Variants in RANBP2 observed in about 807,000 individuals in gnomAD.
RANBP2 encodes the protein E3 SUMO-protein ligase RanBP2.
A neutral mutation model predicts 303.6 loss-of-function variants in RANBP2; 57 were observed. The observed-to-expected ratio is 0.19, with a 90% CI of 0.15 to 0.23. The LOEUF (loss-of-function observed/expected upper bound fraction) is 0.23. Among genes scored for constraint, RANBP2 ranks in the 10% least tolerant of loss-of-function variants. RANBP2 has a pLI of 1.00. For missense variants in RANBP2, 3,138 were observed against 3,780.8 expected (o/e 0.83, Z 4.46); for synonymous variants, 1,167 against 1,301.5 (o/e 0.90, Z 2.23).
the RANBP2 span, among the ~76,000 whole-genome samples, chr2:109,187,005 C>T: frequency 1.3e-5 from 2 of 149,776 alleles, no homozygotes; most frequent in Non-Finnish European, 3.0e-5. Flanking sequence ...CTCCCAGAGG[C>T]GGAGCTGGGC....
At chr2:109,453,788 T>C in the RANBP2 span, among the ~76,000 whole-genome samples, 1 of 152,248 alleles carries the variant, frequency 6.6e-6, no homozygotes, top group South Asian at 2.1e-4. Flanking sequence ...GACCTGCGTG[T>C]GGGAACAGAG....
chr2:109,146,024 T>C, the RANBP2 span, among the ~76,000 whole-genome samples: 30 of 151,926 alleles, frequency 2.0e-4, no homozygotes, highest in African/African-American at 7.3e-4. Flanking sequence ...CTTGTCTATG[T>C]GGGCCGACGG....
the RANBP2 span, among the ~76,000 whole-genome samples, chr2:108,825,854 G>A: frequency 2.6e-5 from 4 of 152,148 alleles, no homozygotes; most frequent in African/African-American, 7.2e-5. Flanking sequence ...GTTTGTCAAA[G>A]TGGTTCAACA....
chr2:109,033,364 G>A, the RANBP2 span, among the ~76,000 whole-genome samples: 2 of 152,152 alleles, frequency 1.3e-5, no homozygotes, highest in Admixed American at 1.3e-4. Context: ...GGCAGGTGGT[G>A]TTGCCGAAAC....
chr2:109,108,140 C>CG, the RANBP2 span, among the ~76,000 whole-genome samples: 1 of 152,160 alleles, frequency 6.6e-6, no homozygotes, highest in Non-Finnish European at 1.5e-5. Context: ...CTCCTGCCCT[C>CG]GGGATCCGCC....
At chr2:109,614,926 C>T in the RANBP2 span, 3 of 1,493,808 alleles carry the variant, frequency 2.0e-6, no homozygotes, top group Non-Finnish European at 8.9e-7. Flanking sequence ...GCGCACTGGC[C>T]GCCCCTGAGC....
At chr2:109,411,853 G>A in the RANBP2 span, among the ~76,000 whole-genome samples, 1 of 152,226 alleles carries the variant, frequency 6.6e-6, no homozygotes, top group Non-Finnish European at 1.5e-5. Context: ...ATAGCTTACT[G>A]TTAAATCCCA....
At chr2:109,291,780 A>G in the RANBP2 span, among the ~76,000 whole-genome samples, 2 of 152,254 alleles carry the variant, frequency 1.3e-5, no homozygotes, top group East Asian at 3.8e-4. Context: ...CTCCAGTTTC[A>G]GGTGACTGTT....
chr2:109,466,416 T>C, the RANBP2 span, among the ~76,000 whole-genome samples: 1 of 152,148 alleles, frequency 6.6e-6, no homozygotes, highest in East Asian at 1.9e-4. Flanking sequence ...GTTTAGATCT[T>C]TGCTGAGTTT....
the RANBP2 span, chr2:108,896,531 CAAACTCCTTAA>C: frequency 4.7e-6 from 1 of 211,426 alleles, no homozygotes; most frequent in African/African-American, 2.3e-5. Flanking sequence ...TACTGGAGTG[CAAACTCCTTAA>C]AGACAGGGAC....
the RANBP2 span, among the ~76,000 whole-genome samples, chr2:108,890,566 CTG>C: frequency 6.6e-6 from 1 of 152,116 alleles, no homozygotes; most frequent in Non-Finnish European, 1.5e-5. Flanking sequence ...TGATAGGTAA[CTG>C]TATGCTTTTC....
chr2:109,539,645 C>T, the RANBP2 span, among the ~76,000 whole-genome samples: 169 of 152,192 alleles, frequency 1.1e-3, 1 homozygote, highest in African/African-American at 3.7e-3. Context: ...GGTTTCATCA[C>T]GCTGGCCAGG....
At chr2:109,099,410 C>G in the RANBP2 span, among the ~76,000 whole-genome samples, 1 of 152,120 alleles carries the variant, frequency 6.6e-6, no homozygotes, top group Non-Finnish European at 1.5e-5. Context: ...GAATGCTGGT[C>G]AGTTGTTGTG....
the RANBP2 span, chr2:108,798,352 A>C: frequency 3.3e-6 from 5 of 1,510,638 alleles, no homozygotes; most frequent in Non-Finnish European, 4.5e-6. Flanking sequence ...GTTAAACCAC[A>C]GTGTCAGCCA....
At chr2:108,867,506 G>A in the RANBP2 span, among the ~76,000 whole-genome samples, 1 of 152,160 alleles carries the variant, frequency 6.6e-6, no homozygotes, top group Non-Finnish European at 1.5e-5. Context: ...CTCCAAGAGT[G>A]TCTTTGTCCT....
intron 7 of RANBP2, among the ~76,000 whole-genome samples, chr2:108,742,121 C>T (rs563598045): frequency 2.0e-5 from 3 of 151,850 alleles, no homozygotes; most frequent in East Asian, 2.0e-4. Flanking sequence ...TTCAGCCTCC[C>T]GAGTAGCTGG....
At chr2:108,973,047 C>T in the RANBP2 span, among the ~76,000 whole-genome samples, 2 of 151,966 alleles carry the variant, frequency 1.3e-5, no homozygotes, top group South Asian at 2.1e-4. Context: ...ACTGCAGTGG[C>T]GCAATTTCAG....
the RANBP2 span, among the ~76,000 whole-genome samples, chr2:109,079,949 T>G: frequency 6.6e-6 from 1 of 152,180 alleles, no homozygotes; most frequent in African/African-American, 2.4e-5. Flanking sequence ...AAGGACCCTG[T>G]GCCTGCTGAG....
At chr2:108,996,511 G>A in the RANBP2 span, among the ~76,000 whole-genome samples, 14 of 152,290 alleles carry the variant, frequency 9.2e-5, no homozygotes, top group African/African-American at 2.2e-4. Flanking sequence ...GCCCATTAAC[G>A]GTATGCGCCA....
Sources: allele counts gnomAD v4.1 joint callset (sites outside exome capture counted in the v4.1 genomes callset), GRCh38; gene constraint gnomAD v4.1.1; transcripts MANE v1.5; gene names NCBI Gene and HGNC (gene_info 2026-07-23, HGNC 2026-07-21).